Variants in BANP observed in about 807,000 individuals in gnomAD.
BANP encodes protein BANP.
In BANP, 11 loss-of-function variants were observed where a neutral mutation model predicts 68.1. The ratio of observed to expected loss-of-function variants is 0.16; its 90% CI spans 0.10 to 0.27. BANP has a LOEUF of 0.27. Among genes scored for constraint, BANP ranks in the 10% least tolerant of loss-of-function variants. The pLI, the probability that BANP is intolerant of heterozygous loss-of-function variation, is 1.00. For synonymous variants in BANP, 329 were observed against 303.2 expected (o/e 1.09, Z -0.88); for missense variants, 504 against 722.7 (o/e 0.70, Z 3.47).
chr16:88,003,925 G>A lies in BANP; in HGVS notation c.363-370G>A. 1 of 305,144 alleles carries A rather than the reference G, an allele frequency of 3.3e-6. No individual in the cohort carries two copies. Among genetic ancestry groups the A allele is most frequent in the African/African-American group, 2.2e-5 (1 of 45,428 alleles). 18.9% of individuals were successfully genotyped at this position (305,144 alleles called of 1,614,324 possible). A position where few individuals can be genotyped will look rare whatever the true frequency, so the allele number is the denominator to read the frequency against. ...AAATGTCAAGCCAGTTCTCATGCAA[G>A]TGTGCCACCCTAGAAGCTTTATTAA... is the stretch of plus-strand genomic sequence containing the variant. On this transcript the variant is annotated intron_variant, in intron 4 of 13. Coordinates refer to ENST00000682872, the MANE Select transcript of BANP (RefSeq NM_001386991.1). The surrounding 1 kb of genome is among the most constrained non-coding windows in gnomAD (Gnocchi z 6.1).
At chr16:87,963,692 A>G (rs772575764) in intron 1 of BANP, among the ~76,000 whole-genome samples, 2 of 152,240 alleles carry the variant, frequency 1.3e-5, no homozygotes, top group African/African-American at 2.4e-5. Flanking sequence ...GACACCCCTA[A>G]TGATGCATGT....
At chr16:87,978,405 G>A in intron 2 of BANP, 2 of 300,434 alleles carry the variant, frequency 6.7e-6, no homozygotes, top group South Asian at 5.3e-5. Context: ...AAAGGTTAGA[G>A]TAATGAGTAC....
rs1402647316 is a variant in BANP, at chr16:88,057,168, C to T, written c.1312-8099C>T. Among the ~76,000 whole-genome samples the T allele has an allele frequency of 6.6e-6, 1 of 152,070 alleles. No individual in the cohort carries two copies. The highest frequency in any genetic ancestry group is 1.5e-5 in the Non-Finnish European group (1 of 68,030). On this transcript the variant is annotated intron_variant, in intron 11 of 13. Coordinates refer to ENST00000682872, the MANE Select transcript of BANP (RefSeq NM_001386991.1). The surrounding 1 kb of genome is among the most constrained non-coding windows in gnomAD (Gnocchi z 4.6). ...GTGTCTGCCTTTTCTGGTGGGCGGG[C>T]CTGCCGTGTTGTGGTGGGGAGCGAC... is the stretch of plus-strand genomic sequence containing the variant.
chr16:87,971,678 GT>G (rs1187285235), intron 1 of BANP, among the ~76,000 whole-genome samples: 1 of 150,938 alleles, frequency 6.6e-6, no homozygotes, highest in East Asian at 1.9e-4. Flanking sequence ...TTTTGTTTTT[GT>G]TTTTTTCCCC....
intron 7 of BANP, among the ~76,000 whole-genome samples, chr16:88,021,286 A>G (rs2152686256): frequency 6.6e-6 from 1 of 152,298 alleles, no homozygotes; most frequent in South Asian, 2.1e-4. Context: ...GTCCCCTGGC[A>G]GGGGCGTCCG....
In BANP at chr16:87,957,059, T is replaced by C. The variant is rs766050322; in HGVS notation, c.-69+5544T>C. Reference sequence around the variant, plus strand: ...TGTGAAGTCACATGAACTTGATTCCTGTTGGAAAGAACCACTCTGCAATCC... The same window carrying C: ...TGTGAAGTCACATGAACTTGATTCCCGTTGGAAAGAACCACTCTGCAATCC... On this transcript the variant is annotated intron_variant, in intron 1 of 13. Coordinates refer to ENST00000682872, the MANE Select transcript of BANP (RefSeq NM_001386991.1). This position sits in a 1 kb window ranked among gnomAD's most constrained non-coding sequence, Gnocchi z 4.3. The C allele has an allele frequency of 6.6e-6, 1 of 152,102 alleles. No homozygotes were observed. The highest frequency in any genetic ancestry group is 1.5e-5 in the Non-Finnish European group (1 of 68,060). The allele number at this position is 152,102 out of a possible 1,614,324, so 9.4% of individuals were successfully genotyped here. A position where few individuals can be genotyped will look rare whatever the true frequency, so the allele number is the denominator to read the frequency against.
chr16:87,977,431 A>G lies in BANP; in HGVS notation c.70+2246A>G, dbSNP rs563578859. On this transcript the variant is annotated intron_variant, in intron 2 of 13. Transcript: ENST00000682872. ...GAGACTCCGTCTCAAAAAAAAAAAC[A>G]AAACCTACTGTGCACAGAGCTCCGA... Among the ~76,000 whole-genome samples, 31 of 151,802 alleles carry G rather than the reference A, an allele frequency of 2.0e-4. No homozygotes were observed. The East Asian group carries it at 5.8e-3, about 28-fold the overall frequency.
chr16:88,046,936 G>C (rs576544862), intron 11 of BANP, among the ~76,000 whole-genome samples: 1 of 151,852 alleles, frequency 6.6e-6, no homozygotes, highest in Non-Finnish European at 1.5e-5. Flanking sequence ...CGTGGGGGTG[G>C]GCGCCTGTAC....
At chr16:87,977,973 T>G (rs1567641098) in intron 2 of BANP, among the ~76,000 whole-genome samples, 1 of 152,136 alleles carries the variant, frequency 6.6e-6, no homozygotes, top group South Asian at 2.1e-4. Context: ...GTAGCTGGGA[T>G]TACAGGTGCC....
chr16:88,014,907 A>G (rs2074110880), intron 6 of BANP, among the ~76,000 whole-genome samples: 1 of 152,054 alleles, frequency 6.6e-6, no homozygotes, highest in Non-Finnish European at 1.5e-5. Context: ...TGGGAAGTTT[A>G]AAGACAGTGG....
intron 1 of BANP, among the ~76,000 whole-genome samples, chr16:87,970,808 C>T (rs1031228941): frequency 2.0e-5 from 3 of 152,008 alleles, no homozygotes; most frequent in Admixed American, 6.5e-5. Context: ...CACCTGAGGT[C>T]GGGAGTTTGA....
chr16:87,982,688 C>T (rs1447343940), intron 3 of BANP: 1 of 152,146 alleles, frequency 6.6e-6, no homozygotes, highest in Non-Finnish European at 1.5e-5. Flanking sequence ...TTCTTTAGCT[C>T]CTGTCTATAT....
chr16:87,973,501 C>T (rs2061480017), intron 1 of BANP, among the ~76,000 whole-genome samples: 1 of 152,182 alleles, frequency 6.6e-6, no homozygotes, highest in South Asian at 2.1e-4. Flanking sequence ...TGGCTCACGC[C>T]TGTAATCCCA....
intron 11 of BANP, among the ~76,000 whole-genome samples, chr16:88,056,461 C>CTTT (rs5818659): frequency 1.4e-3 from 163 of 119,754 alleles, no homozygotes; most frequent in African/African-American, 4.0e-3. Context: ...TATTCTCTCT[C>CTTT]TTTTTTTTTT....
At chr16:88,049,219 G>C (rs1259957716) in intron 11 of BANP, among the ~76,000 whole-genome samples, 1 of 152,212 alleles carries the variant, frequency 6.6e-6, no homozygotes, top group Non-Finnish European at 1.5e-5. Flanking sequence ...ACCGGCTTCA[G>C]GTTGGGCTTC....
In BANP at chr16:87,975,063, C is replaced by T. The variant is rs973859404; in HGVS notation, c.-53C>T. The stretch of plus-strand genomic sequence containing the variant: ...TGTTTGGTAGGTGACCAAAAGCCAG[C>T]CCCACTGTGAGTTGAACTCTTTCGT... On this transcript the variant is annotated 5_prime_UTR_variant, in exon 2 of 14. Transcript: ENST00000682872. 5.9e-6 allele frequency: 9 copies of T among 1,523,610 alleles called. No homozygotes were observed. The African/African-American group carries it at 1.2e-4, about 21-fold the overall frequency. 94.4% of individuals were successfully genotyped at this position (1,523,610 alleles called of 1,614,324 possible).
Position 88,036,431 on chromosome 16 carries a change from C to T in BANP, c.1272+1037C>T, listed in dbSNP as rs1010376641. Among the ~76,000 whole-genome samples the T allele has an allele frequency of 3.3e-5, 5 of 152,118 alleles. No homozygotes were observed. Among genetic ancestry groups the T allele is most frequent in the South Asian group, 2.1e-4 (1 of 4,820 alleles). ...GCAGAGGAGAGAGAAGCCCTGCCAT[C>T]GGGGACTCACAGCGGGCGCAGAGCC... On this transcript the variant is annotated intron_variant, in intron 10 of 13. Transcript: ENST00000682872. This position sits in a 1 kb window ranked among gnomAD's most constrained non-coding sequence, Gnocchi z 4.2.
At chr16:88,031,780 C>T (rs1383182666) in intron 8 of BANP, among the ~76,000 whole-genome samples, 1 of 150,950 alleles carries the variant, frequency 6.6e-6, no homozygotes, top group African/African-American at 2.4e-5. Context: ...CTTTTCTCTC[C>T]CCTCCCCCGC....
At position 87,957,190 on chromosome 16, in the gene BANP, G is replaced by C. The variant is rs184443175; in HGVS notation, c.-69+5675G>C. Reference sequence around the variant, plus strand: ...ACGACTCGCTGCTCCCATGGGAGGTGTCTCTCTGGGGAAGGGGTCAGTGGT... The same window carrying C: ...ACGACTCGCTGCTCCCATGGGAGGTCTCTCTCTGGGGAAGGGGTCAGTGGT... On this transcript the variant is annotated intron_variant, in intron 1 of 13. Transcript: ENST00000682872. This position sits in a 1 kb window ranked among gnomAD's most constrained non-coding sequence, Gnocchi z 4.3. 992 of 152,372 alleles carry C rather than the reference G, an allele frequency of 6.5e-3. 15 individuals carry two copies. Among genetic ancestry groups the C allele is most frequent in the Non-Finnish European group, 9.1e-3 (621 of 68,062 alleles). The allele number at this position is 152,372 out of a possible 1,614,324, so 9.4% of individuals were successfully genotyped here. A position where few individuals can be genotyped will look rare whatever the true frequency, so the allele number is the denominator to read the frequency against.
Sources: gnomAD v4.1 joint callset for allele counts (sites outside exome capture counted in the v4.1 genomes callset) on GRCh38, gnomAD v4.1.1 for gene constraint, Gnocchi (gnomAD v3.1) non-coding constraint, MANE v1.5 for transcripts, NCBI Gene and HGNC (gene_info 2026-07-23, HGNC 2026-07-21) for gene names.